Variants in AKAP19 observed in about 807,000 individuals in gnomAD.
AKAP19 encodes A-kinase anchoring protein 19.
At chr2:190,092,745 C>T in the AKAP19 span, among the ~76,000 whole-genome samples, 3 of 152,138 alleles carry the variant, frequency 2.0e-5, no homozygotes, top group East Asian at 5.8e-4. Context: ...CTGTTTCCCC[C>T]AAATCCTTGC....
At chr2:189,924,887 T>A in the AKAP19 span, among the ~76,000 whole-genome samples, 2 of 150,672 alleles carry the variant, frequency 1.3e-5, no homozygotes, top group Admixed American at 6.6e-5. Flanking sequence ...GGGGAAAAAA[T>A]AAATAAATAA....
chr2:190,202,229 T>C, the AKAP19 span: 1 of 167,050 alleles, frequency 6.0e-6, no homozygotes, highest in Non-Finnish European at 1.5e-5. Flanking sequence ...AGTATACTTT[T>C]ATCACCAAGC....
At chr2:190,110,716 T>C in the AKAP19 span, among the ~76,000 whole-genome samples, 1 of 152,192 alleles carries the variant, frequency 6.6e-6, no homozygotes, top group Non-Finnish European at 1.5e-5. Flanking sequence ...TCAGGAATGA[T>C]CTAGAAGTTG....
At chr2:190,021,596 G>C in the AKAP19 span, among the ~76,000 whole-genome samples, 2 of 152,204 alleles carry the variant, frequency 1.3e-5, no homozygotes, top group Admixed American at 6.5e-5. Context: ...CTAAGCTTTT[G>C]AGCTGAGCCC....
chr2:190,085,456 A>C, the AKAP19 span, among the ~76,000 whole-genome samples: 5 of 152,320 alleles, frequency 3.3e-5, no homozygotes, highest in Non-Finnish European at 5.9e-5. Context: ...CTCGTCTCTA[A>C]TTCAGCTTAA....
At chr2:189,917,468 T>G in the AKAP19 span, 60 of 700,882 alleles carry the variant, frequency 8.6e-5, no homozygotes, top group African/African-American at 9.0e-4. Flanking sequence ...GAATTACTGG[T>G]TGACTCTTTG....
the AKAP19 span, chr2:189,930,929 C>G: frequency 2.8e-6 from 2 of 717,158 alleles, no homozygotes; most frequent in Admixed American, 2.2e-5. Context: ...TTAGTTCCCT[C>G]GCTAAAGCTA....
chr2:189,950,989 T>G, the AKAP19 span, among the ~76,000 whole-genome samples: 141,012 of 151,968 alleles, frequency 0.93, 65,466 homozygotes, highest in East Asian at 0.97. Context: ...GGGGTGGGGG[T>G]AGTAGCAGAA....
chr2:189,880,226 G>A, the AKAP19 span, among the ~76,000 whole-genome samples: 1 of 152,046 alleles, frequency 6.6e-6, no homozygotes, highest in Non-Finnish European at 1.5e-5. Flanking sequence ...ATGTTCTTAT[G>A]TCTGCAAGCT....
the AKAP19 span, among the ~76,000 whole-genome samples, chr2:190,020,848 T>C: frequency 2.0e-5 from 3 of 152,236 alleles, no homozygotes; most frequent in Admixed American, 6.5e-5. Flanking sequence ...TGAATTTGCA[T>C]GTTATTCATA....
the AKAP19 span, among the ~76,000 whole-genome samples, chr2:189,908,798 T>A: frequency 6.6e-6 from 1 of 152,182 alleles, no homozygotes; most frequent in African/African-American, 2.4e-5. Context: ...TTAAGAATAT[T>A]CCATGTGTAC....
chr2:189,996,667 CT>C, the AKAP19 span, among the ~76,000 whole-genome samples: 1 of 152,206 alleles, frequency 6.6e-6, no homozygotes, highest in South Asian at 2.1e-4. Flanking sequence ...TTATAGAACT[CT>C]GTTTTGTCAT....
chr2:189,970,385 T>TTTAGA, the AKAP19 span, among the ~76,000 whole-genome samples: 1 of 152,318 alleles, frequency 6.6e-6, no homozygotes, highest in Non-Finnish European at 1.5e-5. Flanking sequence ...ATTTGATATT[T>TTTAGA]ATCATTCCCA....
chr2:189,903,275 A>G, the AKAP19 span, among the ~76,000 whole-genome samples: 12 of 152,016 alleles, frequency 7.9e-5, no homozygotes, highest in Non-Finnish European at 1.5e-5. Flanking sequence ...CCAAAATAAT[A>G]TAAATAATAT....
chr2:190,174,148 G>A, the AKAP19 span, among the ~76,000 whole-genome samples: 193 of 152,316 alleles, frequency 1.3e-3, 3 homozygotes, highest in South Asian at 0.018. Context: ...CATAGCAGTA[G>A]GGACTAGCTG....
the AKAP19 span, among the ~76,000 whole-genome samples, chr2:190,154,048 T>G: frequency 6.6e-6 from 1 of 152,194 alleles, no homozygotes; most frequent in Non-Finnish European, 1.5e-5. Flanking sequence ...TTGCAACCTC[T>G]TCTTTAGGAT....
the AKAP19 span, among the ~76,000 whole-genome samples, chr2:189,916,809 G>C: frequency 6.6e-6 from 1 of 151,914 alleles, no homozygotes; most frequent in African/African-American, 2.4e-5. Context: ...TTTACTCCTG[G>C]GTAGTATTCC....
the AKAP19 span, among the ~76,000 whole-genome samples, chr2:190,104,148 A>G: frequency 6.6e-6 from 1 of 152,208 alleles, no homozygotes; most frequent in African/African-American, 2.4e-5. Context: ...GGAGGAATGA[A>G]ACTATACCCC....
chr2:190,095,081 G>C, the AKAP19 span, among the ~76,000 whole-genome samples: 2 of 152,046 alleles, frequency 1.3e-5, no homozygotes. Context: ...AAATTAGCCG[G>C]GTGTAGTGGC....
Sources: gnomAD v4.1 joint callset for allele counts (sites outside exome capture counted in the v4.1 genomes callset) on GRCh38, gnomAD v4.1.1 for gene constraint, MANE v1.5 for transcripts, NCBI Gene and HGNC (gene_info 2026-07-23, HGNC 2026-07-21) for gene names.